NAA25: variants seen among roughly 807,000 people sequenced by gnomAD.
NAA25 encodes N-alpha-acetyltransferase 25, NatB auxiliary subunit, also known as N-terminal acetyltransferase B complex subunit NAA25.
Under a neutral mutation model 132.5 loss-of-function variants are expected in NAA25, and 30 were observed. The ratio of observed to expected loss-of-function variants is 0.23; its 90% CI spans 0.17 to 0.31. The LOEUF (loss-of-function observed/expected upper bound fraction) is 0.31, where lower values mean the gene tolerates loss of function less well. Among genes scored for constraint, NAA25 ranks in the 10% least tolerant of loss-of-function variants. The pLI, the probability that NAA25 is intolerant of heterozygous loss-of-function variation, is 1.00. For missense variants in NAA25, 771 were observed against 1,150.4 expected (o/e 0.67, Z 4.77); for synonymous variants, 359 against 401.9 (o/e 0.89, Z 1.28).
At chr12:112,094,650 G>A (rs1425893232) in intron 1 of NAA25, among the ~76,000 whole-genome samples, 2 of 152,026 alleles carry the variant, frequency 1.3e-5, no homozygotes, top group African/African-American at 4.8e-5. Context: ...AAGGATGTAG[G>A]GAAAATAGTA....
chr12:112,080,151 G>T (rs139692907), intron 5 of NAA25, among the ~76,000 whole-genome samples: 2 of 151,756 alleles, frequency 1.3e-5, no homozygotes, highest in Non-Finnish European at 2.9e-5. Flanking sequence ...CATGGTAGCA[G>T]ATGCTTGTAG....
intron 21 of NAA25, chr12:112,040,022 T>C (rs1302220706): frequency 6.4e-6 from 1 of 155,540 alleles, no homozygotes; most frequent in Non-Finnish European, 1.4e-5. Flanking sequence ...GAAAAGATAA[T>C]AGATTATGAG....
chr12:112,075,440 T>C (rs1403486691), intron 8 of NAA25, among the ~76,000 whole-genome samples: 2 of 152,082 alleles, frequency 1.3e-5, no homozygotes, highest in East Asian at 3.9e-4. Flanking sequence ...CTGCCCACCT[T>C]GGCCTCTCAA....
chr12:112,092,549 T>C (rs1171677955), intron 2 of NAA25, among the ~76,000 whole-genome samples: 1 of 150,578 alleles, frequency 6.6e-6, no homozygotes, highest in Non-Finnish European at 1.5e-5. Context: ...ATCACTTGAA[T>C]CTGGGAGGCA....
In NAA25 at chr12:112,078,193, A is replaced by C; in HGVS notation, c.659T>G (p.Leu220Ter). ...AGAAAATGTTTAAAAATTACCTCCT[A>C]ATTTCCCTCTGATGACATCCAAGGC... The part of the protein sequence containing the change: ...QEALDVIRGK[L>*]GEKLTSEIQS... Residue 220 changes from leucine to a stop codon, truncating the protein, a stop_gained, in exon 7 of 24, where the codon TTA becomes TGA. Coordinates refer to ENST00000261745, the MANE Select transcript of NAA25 (RefSeq NM_024953.4). LOFTEE classifies it high-confidence loss of function. The C allele has an allele frequency of 6.3e-7, 1 of 1,590,650 alleles. No homozygotes were observed. Among genetic ancestry groups the C allele is most frequent in the Non-Finnish European group, 8.5e-7 (1 of 1,170,154 alleles).
At chr12:112,078,150 G>GAA in intron 7 of NAA25, 38 bp downstream of exon 7, 21 of 1,130,642 alleles carry the variant, frequency 1.9e-5, no homozygotes, top group Admixed American at 7.8e-5. Flanking sequence ...GTTTAAATAG[G>GAA]AAAAAAAAAA....
At chr12:112,057,854 G>A (rs181355907) in intron 13 of NAA25, among the ~76,000 whole-genome samples, 35 of 152,308 alleles carry the variant, frequency 2.3e-4, no homozygotes, top group Admixed American at 2.1e-3. Flanking sequence ...GGTGGTGGGC[G>A]CCTGTAGTCC....
chr12:112,079,646 G>A (rs1443413605), intron 5 of NAA25, among the ~76,000 whole-genome samples: 1 of 151,602 alleles, frequency 6.6e-6, no homozygotes, highest in African/African-American at 2.4e-5. Context: ...ATGTATGAAG[G>A]CAGACCTGTC....
At chr12:112,107,503 G>A (rs1254156308) in intron 1 of NAA25, among the ~76,000 whole-genome samples, 1 of 151,846 alleles carries the variant, frequency 6.6e-6, no homozygotes, top group East Asian at 1.9e-4. Context: ...GCCAGTGACT[G>A]TCATAATGAG....
chr12:112,058,348 CAAA>C (rs1173132925), intron 13 of NAA25, among the ~76,000 whole-genome samples: 1 of 152,014 alleles, frequency 6.6e-6, no homozygotes, highest in Non-Finnish European at 1.5e-5. Context: ...GTGATAGTAG[CAAA>C]AAAATTTTAA....
rs1171502192 is a variant in NAA25, at chr12:112,026,734, TTAAAG to T, written c.*2792_*2796del. 7 of 152,200 alleles carry T rather than the reference TTAAAG, an allele frequency of 4.6e-5. No individual in the cohort carries two copies. Among genetic ancestry groups the T allele is most frequent in the African/African-American group, 1.4e-4 (6 of 41,444 alleles). 9.4% of individuals were successfully genotyped at this position (152,200 alleles called of 1,614,324 possible). ...GTTTATATAAATTAACCCATCCAGT[TTAAAG>T]TAGATTTGCTATGCTTCACTTACTT... On this transcript the variant is annotated 3_prime_UTR_variant, in exon 24 of 24. Transcript: ENST00000261745.
chr12:112,100,425 T>C (rs1185028758), intron 1 of NAA25, among the ~76,000 whole-genome samples: 2 of 152,014 alleles, frequency 1.3e-5, no homozygotes, highest in Admixed American at 1.3e-4. Flanking sequence ...CCTCCCAAAG[T>C]GCTGGGATTA....
chr12:112,069,154 TGAA>T (rs1760572452), intron 10 of NAA25, 162 bp from the exon 11 acceptor site: 1 of 578,014 alleles, frequency 1.7e-6, no homozygotes, highest in Non-Finnish European at 3.1e-6. Flanking sequence ...AGTTACAGAC[TGAA>T]CTCATTGTTC....
At chr12:112,088,826 G>C (rs2079091787) in intron 3 of NAA25, among the ~76,000 whole-genome samples, 1 of 151,744 alleles carries the variant, frequency 6.6e-6, no homozygotes, top group Non-Finnish European at 1.5e-5. Context: ...CTCCATGTTG[G>C]TCAGGCTAGT....
At chr12:112,070,686 T>C (rs1324678901) in intron 10 of NAA25, among the ~76,000 whole-genome samples, 1 of 152,186 alleles carries the variant, frequency 6.6e-6, no homozygotes, top group Non-Finnish European at 1.5e-5. Flanking sequence ...AAGCGATTCT[T>C]GTGTCTCAGC....
intron 23 of NAA25, among the ~76,000 whole-genome samples, chr12:112,031,563 A>G (rs1277339949): frequency 2.6e-5 from 4 of 152,190 alleles, no homozygotes; most frequent in Non-Finnish European, 4.4e-5. Flanking sequence ...TGAAAAATCC[A>G]GAGAGTATGG....
At chr12:112,060,503 A>C in intron 12 of NAA25, 144 bp from the exon 13 acceptor site, 3 of 590,762 alleles carry the variant, frequency 5.1e-6, no homozygotes, top group East Asian at 5.9e-5. Flanking sequence ...CCAGGAGAAA[A>C]ATATAAGCCA....
intron 15 of NAA25, among the ~76,000 whole-genome samples, chr12:112,050,580 A>C (rs2078450308): frequency 6.6e-6 from 1 of 150,400 alleles, no homozygotes; most frequent in South Asian, 2.1e-4. Flanking sequence ...GTGCAGTGGT[A>C]TGATCTCAGC....
chr12:112,073,590 C>A (rs1443115107), intron 9 of NAA25, among the ~76,000 whole-genome samples: 1 of 152,128 alleles, frequency 6.6e-6, no homozygotes, highest in South Asian at 2.1e-4. Flanking sequence ...GCGCCCGCCA[C>A]CACGCCCAGC....
Sources: allele counts gnomAD v4.1 joint callset (sites outside exome capture counted in the v4.1 genomes callset), GRCh38; gene constraint gnomAD v4.1.1; transcripts MANE v1.5; gene names NCBI Gene and HGNC (gene_info 2026-07-23, HGNC 2026-07-21).